The following TBC1D22A variants were observed in gnomAD, a reference collection of about 807,000 sequenced individuals.
The protein encoded by TBC1D22A is TBC1 domain family member 22A.
A neutral mutation model predicts 60.2 loss-of-function variants in TBC1D22A; 38 were observed. The ratio of observed to expected loss-of-function variants is 0.63; its 90% CI spans 0.49 to 0.83. TBC1D22A has a LOEUF of 0.83. TBC1D22A is among the 40% of genes least tolerant of loss of function. TBC1D22A has a pLI of 0.00. For synonymous variants in TBC1D22A, 302 were observed against 281.7 expected (o/e 1.07, Z -0.72); for missense variants, 628 against 701.0 (o/e 0.90, Z 1.18).
rs181815353 is a variant in TBC1D22A at position 46,849,400 on chromosome 22, G to T, written c.638-29253G>T. On this transcript the variant is annotated intron_variant, in intron 4 of 12. Coordinates refer to ENST00000337137, the MANE Select transcript of TBC1D22A (RefSeq NM_014346.5). ...GAAATTCTAGAACTGATTAGTGGAG[G>T]CCTCAGATCCCATTACCTCCCAGGA... 1.6e-4 allele frequency among the ~76,000 whole-genome samples: 24 copies of T among 152,288 alleles called. No individual in the cohort carries two copies. The East Asian group carries it at 4.6e-3, about 29-fold the overall frequency.
chr22:46,785,568 A>G (rs558680622), intron 1 of TBC1D22A, among the ~76,000 whole-genome samples: 35 of 152,222 alleles, frequency 2.3e-4, no homozygotes, highest in Non-Finnish European at 4.8e-4. Flanking sequence ...TATTGCCTCT[A>G]GAAAACCTCG....
At chr22:46,978,195 A>C (rs1440339352) in intron 9 of TBC1D22A, among the ~76,000 whole-genome samples, 1 of 152,232 alleles carries the variant, frequency 6.6e-6, no homozygotes, top group African/African-American at 2.4e-5. Flanking sequence ...GGGCTCTGCC[A>C]TTGACATGCC....
rs114614359 is a variant in TBC1D22A, at chr22:47,139,802, C to A, written c.1425+28199C>A. ...GGCAGGAGAAGCCCCGCTCTCACTG[C>A]CTCACCGCCCTGCTTATGTCTCCAG... On this transcript the variant is annotated intron_variant, in intron 12 of 12. Coordinates refer to ENST00000337137, the MANE Select transcript of TBC1D22A (RefSeq NM_014346.5). Among the ~76,000 whole-genome samples, 976 of 152,348 alleles carry A rather than the reference C, an allele frequency of 6.4e-3. 4 individuals carry two copies. Among genetic ancestry groups the A allele is most frequent in the African/African-American group, 0.022 (925 of 41,578 alleles).
intron 4 of TBC1D22A, among the ~76,000 whole-genome samples, chr22:46,840,613 G>A (rs946391060): frequency 1.5e-4 from 23 of 152,106 alleles, no homozygotes; most frequent in African/African-American, 2.9e-4. Context: ...TGCGCCTGTA[G>A]TCCCAGCTAC....
At chr22:47,033,291 A>G (rs1286049700) in intron 10 of TBC1D22A, among the ~76,000 whole-genome samples, 1 of 152,258 alleles carries the variant, frequency 6.6e-6, no homozygotes, top group Non-Finnish European at 1.5e-5. Flanking sequence ...ACTTCAGGTT[A>G]GAAATGATTC....
chr22:46,790,532 C>T (rs1250584602), intron 1 of TBC1D22A, among the ~76,000 whole-genome samples: 1 of 152,132 alleles, frequency 6.6e-6, no homozygotes, highest in African/African-American at 2.4e-5. Flanking sequence ...AGAAGGAATC[C>T]TCTGTTTACA....
intron 8 of TBC1D22A, among the ~76,000 whole-genome samples, chr22:46,935,284 A>G (rs1406793748): frequency 6.6e-6 from 1 of 152,242 alleles, no homozygotes; most frequent in Non-Finnish European, 1.5e-5. Context: ...ATTTCAGCAA[A>G]TTAGAAACTT....
intron 12 of TBC1D22A, among the ~76,000 whole-genome samples, chr22:47,163,535 C>A (rs2068079993): frequency 6.6e-6 from 1 of 152,192 alleles, no homozygotes; most frequent in Non-Finnish European, 1.5e-5. Flanking sequence ...CCTGGAGTTA[C>A]ACAGAAGGCA....
At position 46,976,891 on chromosome 22, in the gene TBC1D22A, G is replaced by A. The variant is rs1454060405; in HGVS notation, c.1125+2492G>A. The stretch of plus-strand genomic sequence containing the variant: ...CCGCTGAGCCAGAACTGTGTGCTGG[G>A]GGCTCTTCCTCACCAGGAAGAGGGT... On this transcript the variant is annotated intron_variant, in intron 9 of 12. Transcript: ENST00000337137. Among the ~76,000 whole-genome samples the A allele has an allele frequency of 2.6e-5, 4 of 152,190 alleles. No homozygotes were observed. The East Asian group carries it at 7.7e-4, about 29-fold the overall frequency.
chr22:46,999,893 C>T (rs1233917657), intron 10 of TBC1D22A, among the ~76,000 whole-genome samples: 1 of 152,076 alleles, frequency 6.6e-6, no homozygotes, highest in African/African-American at 2.4e-5. Context: ...GGCGTGGTGG[C>T]AGGCGCCTGG....
chr22:47,145,701 A>AT (rs1312560107), intron 12 of TBC1D22A, among the ~76,000 whole-genome samples: 1 of 152,020 alleles, frequency 6.6e-6, no homozygotes, highest in Admixed American at 6.5e-5. Flanking sequence ...GTTTGTTCTG[A>AT]TTTTTTTCTA....
intron 4 of TBC1D22A, among the ~76,000 whole-genome samples, chr22:46,840,167 A>G (rs1184357191): frequency 1.3e-5 from 2 of 152,244 alleles, no homozygotes; most frequent in Non-Finnish European, 2.9e-5. Context: ...CAACCTATGG[A>G]TTATAAGAAA....
At chr22:46,881,344 C>T (rs2067840411) in intron 5 of TBC1D22A, among the ~76,000 whole-genome samples, 1 of 152,184 alleles carries the variant, frequency 6.6e-6, no homozygotes. Flanking sequence ...AAGACCAAGT[C>T]GTCCCCCTGG....
intron 6 of TBC1D22A, 71 bp from the exon 7 acceptor site, chr22:46,894,712 GT>G: frequency 6.3e-7 from 1 of 1,581,886 alleles, no homozygotes; most frequent in Non-Finnish European, 8.7e-7. Flanking sequence ...CAGTATTGCT[GT>G]TTTAATCATA....
intron 11 of TBC1D22A, among the ~76,000 whole-genome samples, chr22:47,090,684 T>A (rs1307741914): frequency 6.6e-6 from 1 of 152,026 alleles, no homozygotes; most frequent in Non-Finnish European, 1.5e-5. Flanking sequence ...AGGGGGTGGC[T>A]GCGTGTTGAT....
intron 12 of TBC1D22A, among the ~76,000 whole-genome samples, chr22:47,124,266 G>A (rs2066373741): frequency 6.6e-6 from 1 of 152,206 alleles, no homozygotes; most frequent in Admixed American, 6.5e-5. Context: ...GTGGTGATGT[G>A]CAGGGTTCAG....
chr22:46,845,185 CA>C (rs1319373536), intron 4 of TBC1D22A, among the ~76,000 whole-genome samples: 1 of 152,206 alleles, frequency 6.6e-6, no homozygotes, highest in East Asian at 1.9e-4. Flanking sequence ...GATTGTTAAT[CA>C]ATTGTTTTAG....
chr22:46,784,134 C>T (rs778134091), intron 1 of TBC1D22A, among the ~76,000 whole-genome samples: 1 of 152,206 alleles, frequency 6.6e-6, no homozygotes, highest in Non-Finnish European at 1.5e-5. Flanking sequence ...CAACCTCAAT[C>T]TCCTGGGCTC....
intron 11 of TBC1D22A, among the ~76,000 whole-genome samples, chr22:47,057,861 T>C (rs1363404747): frequency 6.6e-6 from 1 of 152,178 alleles, no homozygotes; most frequent in Admixed American, 6.5e-5. Flanking sequence ...ATCAAAATGG[T>C]TACCCCTGCC....
Sources: gnomAD v4.1 joint callset for allele counts (sites outside exome capture counted in the v4.1 genomes callset) on GRCh38, gnomAD v4.1.1 for gene constraint, MANE v1.5 for transcripts, NCBI Gene and HGNC (gene_info 2026-07-23, HGNC 2026-07-21) for gene names.